HOXA3: variants seen among roughly 807,000 people sequenced by gnomAD.
HOXA3 encodes homeobox A3, also known as homeobox protein Hox-A3.
A neutral mutation model predicts 30.3 loss-of-function variants in HOXA3; 8 were observed. The ratio of observed to expected loss-of-function variants is 0.26; its 90% CI spans 0.15 to 0.48. The LOEUF (loss-of-function observed/expected upper bound fraction) is 0.48, where lower values mean the gene tolerates loss of function less well. HOXA3 is among the 20% of genes least tolerant of loss of function. HOXA3 has a pLI of 0.99. For synonymous variants in HOXA3, 323 were observed against 273.1 expected (o/e 1.18, Z -1.80); for missense variants, 653 against 614.4 (o/e 1.06, Z -0.66).
At chr7:27,139,521 C>A (rs936920447) in intron 2 of HOXA3, among the ~76,000 whole-genome samples, 2 of 152,258 alleles carry the variant, frequency 1.3e-5, no homozygotes, top group East Asian at 3.9e-4. Context: ...CAATTCAGCC[C>A]TGCCAAATGA....
At position 27,108,638 on chromosome 7, in the gene HOXA3, C is replaced by A; in HGVS notation, c.609G>T (p.Leu203=). 6.2e-7 allele frequency: 1 copy of A among 1,614,126 alleles called. No individual in the cohort carries two copies. The change falls in exon 6 of 6, where the codon CTG becomes CTT. Residue 203 remains leucine (L), a synonymous_variant. Coordinates refer to ENST00000612286, the MANE Select transcript of HOXA3 (RefSeq NM_153631.3). The surrounding 1 kb of genome is among the most constrained non-coding windows in gnomAD (Gnocchi z 5.0). ...AGTGGAACTCTTTCTCCAGCTCCAC[C>A]AGCTGCGCGCTCGTGTAGGCCGTGC... The part of the protein sequence containing the change: ...RARTAYTSAQ[L]VELEKEFHFN...
rs1468153583 is a variant in HOXA3, at chr7:27,113,190, G to A, written c.-120-2430C>T. On this transcript the variant is annotated intron_variant, in intron 4 of 5. Transcript: ENST00000612286. This position sits in a 1 kb window ranked among gnomAD's most constrained non-coding sequence, Gnocchi z 4.8. ...TGTTTCTGGACAATAATCCCCAGGT[G>A]CAAGAGCCGAAAGAGAGTTGAAGAG... Among the ~76,000 whole-genome samples the A allele has an allele frequency of 6.6e-6, 1 of 152,204 alleles. No homozygotes were observed.
chr7:27,116,958 G>A (rs950383741), intron 4 of HOXA3, among the ~76,000 whole-genome samples: 1 of 151,824 alleles, frequency 6.6e-6, no homozygotes, highest in East Asian at 1.9e-4. Flanking sequence ...TTTTTTTCAC[G>A]TACAGAAAGA....
intron 1 of HOXA3, chr7:27,147,469 C>T: frequency 6.2e-7 from 1 of 1,614,122 alleles, no homozygotes; most frequent in Admixed American, 1.7e-5. Context: ...CCTCTGCTTG[C>T]CACTGCCCGA....
rs1031693818 is a variant in HOXA3, at chr7:27,145,910, C to T, written c.-493-5724G>A. 5 of 1,613,394 alleles carry T rather than the reference C, an allele frequency of 3.1e-6. No homozygotes were observed. In the African/African-American group the frequency reaches 5.3e-5, roughly 17 times the overall value. On this transcript the variant is annotated intron_variant, in intron 1 of 5. Coordinates refer to ENST00000612286, the MANE Select transcript of HOXA3 (RefSeq NM_153631.3). ...GGCCTCGGCGCCCATGGCTCCCATA[C>T]ACAGCACCTACGAGCAGAAACGGCC...
Position 27,108,368 on chromosome 7 carries a change from C to T in HOXA3, c.879G>A (p.Ser293=), listed in dbSNP as rs199930483. The change falls in exon 6 of 6, where the codon TCG becomes TCA. Residue 293 remains serine, a synonymous_variant. Transcript: ENST00000612286. This position sits in a 1 kb window ranked among gnomAD's most constrained non-coding sequence, Gnocchi z 5.0. The part of the protein sequence containing the change: ...LVNSVPYEPQ[S]PPPFSKPPQG... ...GGGGGGGCTTGGAGAAGGGCGGGGG[C>T]GACTGGGGCTCATACGGGACGCTGT... 2 of 1,555,978 alleles carry T rather than the reference C, an allele frequency of 1.3e-6. No individual in the cohort carries two copies. The highest frequency in any genetic ancestry group is 2.3e-5 in the East Asian group (1 of 44,302).
intron 2 of HOXA3, among the ~76,000 whole-genome samples, chr7:27,139,308 G>T (rs1785817879): frequency 6.6e-6 from 1 of 152,200 alleles, no homozygotes; most frequent in Non-Finnish European, 1.5e-5. Context: ...GCCTGGTCCC[G>T]GGTGCGGGGG....
At chr7:27,151,939 G>C (rs1782985040) in intron 1 of HOXA3, among the ~76,000 whole-genome samples, 2 of 152,152 alleles carry the variant, frequency 1.3e-5, no homozygotes, top group Non-Finnish European at 1.5e-5. Context: ...TTCCTTTTGG[G>C]CTTCACGGGG....
chr7:27,133,703 G>A (rs555485007), intron 2 of HOXA3, among the ~76,000 whole-genome samples: 1 of 152,200 alleles, frequency 6.6e-6, no homozygotes, highest in Admixed American at 6.5e-5. Flanking sequence ...TTTGCAGCTT[G>A]GTTTGAATCT....
chr7:27,121,744 A>G (rs1236195836), intron 4 of HOXA3, among the ~76,000 whole-genome samples: 1 of 152,236 alleles, frequency 6.6e-6, no homozygotes, highest in Non-Finnish European at 1.5e-5. Context: ...TCATTCCTTC[A>G]TACCATGCTT....
chr7:27,131,324 C>A (rs893247571), intron 2 of HOXA3, among the ~76,000 whole-genome samples: 20 of 152,250 alleles, frequency 1.3e-4, no homozygotes, highest in African/African-American at 4.3e-4. Context: ...GAGAGGCCAC[C>A]AGACACATTT....
chr7:27,129,290 G>A, intron 2 of HOXA3: 2 of 1,614,084 alleles, frequency 1.2e-6, no homozygotes, highest in Non-Finnish European at 8.5e-7. Context: ...TGTGGGCTCT[G>A]AGTTTGTGCT....
chr7:27,110,749 C>T lies in HOXA3; in HGVS notation c.-109G>A. ...CGTGACACTCCGCCGCCAATGGCCG[C>T]CCCGCGCAGACCTGGTGGGGCGAGA... On this transcript the variant is annotated 5_prime_UTR_variant, in exon 5 of 6. Coordinates refer to ENST00000612286, the MANE Select transcript of HOXA3 (RefSeq NM_153631.3). 5 of 1,539,534 alleles carry T rather than the reference C, an allele frequency of 3.2e-6. No homozygotes were observed. The South Asian group carries it at 3.5e-5, about 11-fold the overall frequency.
At chr7:27,143,329 C>A in intron 1 of HOXA3, 3 of 1,595,450 alleles carry the variant, frequency 1.9e-6, no homozygotes, top group Non-Finnish European at 2.6e-6. Context: ...GAGGAGAGTG[C>A]GTGGACGTGG....
chr7:27,136,665 G>A (rs1344419456), intron 2 of HOXA3, among the ~76,000 whole-genome samples: 2 of 152,178 alleles, frequency 1.3e-5, no homozygotes, highest in Admixed American at 1.3e-4. Context: ...TTTGTTAGGC[G>A]ATGACAGACT....
intron 1 of HOXA3, among the ~76,000 whole-genome samples, chr7:27,144,061 A>C (rs529202778): frequency 6.6e-6 from 1 of 152,354 alleles, no homozygotes; most frequent in East Asian, 1.9e-4. Context: ...TTAGGCCGTC[A>C]GCTGCCGATC....
At chr7:27,139,698 C>G (rs899556565) in intron 2 of HOXA3, among the ~76,000 whole-genome samples, 1 of 152,160 alleles carries the variant, frequency 6.6e-6, no homozygotes, top group African/African-American at 2.4e-5. Context: ...CTCCGCGACC[C>G]CCAGGAGCTG....
rs17471457 is a variant in HOXA3 at position 27,127,235 on chromosome 7, G to A, written c.-389-165C>T. Reference sequence around the variant, plus strand: ...TTGCCTCCAGAAATCCCTGGCACCCGTTCACACCTTATAAAATGCACTTTA... The same window carrying A: ...TTGCCTCCAGAAATCCCTGGCACCCATTCACACCTTATAAAATGCACTTTA... On this transcript the variant is annotated intron_variant, in intron 2 of 5. Transcript: ENST00000612286. Among the ~76,000 whole-genome samples the A allele has an allele frequency of 5.2e-3, 798 of 152,248 alleles. 16 individuals are homozygous for A. In the East Asian group the frequency reaches 0.063, roughly 12 times the overall value.
Position 27,110,199 on chromosome 7 carries a change from A to C in HOXA3, c.442T>G (p.Ser148Ala), listed in dbSNP as rs777252489. 6.2e-6 allele frequency: 10 copies of C among 1,611,588 alleles called. No individual in the cohort carries two copies. In the South Asian group the frequency reaches 8.8e-5, roughly 14 times the overall value. Reference sequence around the variant, plus strand: ...AAGATTTGTTTGGCCACTGTGGGTGAGTTGAGCAGGGGGCTCTTGGCCGCG... The same window carrying C: ...AAGATTTGTTTGGCCACTGTGGGTGCGTTGAGCAGGGGGCTCTTGGCCGCG... The part of the protein sequence containing the change: ...ANAAKSPLLN[S>A]PTVAKQIFPW... The change falls in exon 5 of 6, where the codon TCA (serine) becomes GCA (alanine). Residue 148 changes from serine to alanine, a missense_variant. By Grantham distance (99) the Ser-to-Ala change is moderately conservative. This residue lies in a region of HOXA3 where 320 missense variants were observed against 321.9 expected (regional missense o/e 0.99). Coordinates refer to ENST00000612286, the MANE Select transcript of HOXA3 (RefSeq NM_153631.3).
Sources: allele counts gnomAD v4.1 joint callset (sites outside exome capture counted in the v4.1 genomes callset), GRCh38; gene constraint gnomAD v4.1.1; regional missense constraint gnomAD v4.1.1; non-coding constraint Gnocchi (gnomAD v3.1); transcripts MANE v1.5; gene names NCBI Gene and HGNC (gene_info 2026-07-23, HGNC 2026-07-21).